The following SLC35F4 variants were observed in gnomAD, a reference collection of about 807,000 sequenced individuals.
The protein encoded by SLC35F4 is chromosome 14 open reading frame 36.
SLC35F4 carries 24 observed loss-of-function variants against 44.2 expected under a neutral mutation model. The ratio of observed to expected loss-of-function variants is 0.54; its 90% CI spans 0.39 to 0.76. The LOEUF (loss-of-function observed/expected upper bound fraction) is 0.76, where lower values mean the gene tolerates loss of function less well. Among genes scored for constraint, SLC35F4 ranks in the 30% least tolerant of loss-of-function variants. The pLI is 0.00. For missense variants in SLC35F4, 562 were observed against 586.1 expected (o/e 0.96, Z 0.42); for synonymous variants, 238 against 223.6 (o/e 1.06, Z -0.57).
At chr14:57,933,492 C>T (rs920034595) in intron 1 of SLC35F4, among the ~76,000 whole-genome samples, 23 of 152,118 alleles carry the variant, frequency 1.5e-4, no homozygotes, top group African/African-American at 5.6e-4. Flanking sequence ...TCAGTGAGGG[C>T]CTCTGCCTCT....
chr14:57,599,731 G>A (rs768268028), intron 1 of SLC35F4, among the ~76,000 whole-genome samples: 2 of 151,390 alleles, frequency 1.3e-5, no homozygotes, highest in Admixed American at 6.6e-5. Context: ...GAACCCCGGA[G>A]GTGGAGGTTG....
intron 1 of SLC35F4, among the ~76,000 whole-genome samples, chr14:57,937,678 A>AGGATAAAAG (rs1889840271): frequency 6.6e-6 from 1 of 152,124 alleles, no homozygotes. Context: ...GATATCACAA[A>AGGATAAAAG]GGATAAAAGA....
intron 1 of SLC35F4, among the ~76,000 whole-genome samples, chr14:57,844,770 C>T (rs1279380377): frequency 6.6e-6 from 1 of 152,164 alleles, no homozygotes; most frequent in Non-Finnish European, 1.5e-5. Context: ...TCGAAGGAGT[C>T]AAGTTGGGAT....
intron 1 of SLC35F4, among the ~76,000 whole-genome samples, chr14:57,934,462 G>A (rs143141939): frequency 6.6e-6 from 1 of 151,646 alleles, no homozygotes; most frequent in Non-Finnish European, 1.5e-5. Context: ...TCAAAAGTCA[G>A]CCCATAGTCA....
intron 1 of SLC35F4, among the ~76,000 whole-genome samples, chr14:57,689,261 T>C (rs905638292): frequency 1.3e-5 from 2 of 152,144 alleles, no homozygotes; most frequent in Non-Finnish European, 2.9e-5. Context: ...CTCGTCTCTG[T>C]CTTACCCCCA....
chr14:57,833,425 G>A (rs371760942), intron 1 of SLC35F4, among the ~76,000 whole-genome samples: 2 of 152,152 alleles, frequency 1.3e-5, no homozygotes, highest in Non-Finnish European at 2.9e-5. Context: ...CCCAGCCATC[G>A]GTATGTTGTA....
At chr14:57,924,443 C>CTCTT (rs201537819) in intron 1 of SLC35F4, among the ~76,000 whole-genome samples, 2 of 151,706 alleles carry the variant, frequency 1.3e-5, no homozygotes, top group Admixed American at 6.6e-5. Flanking sequence ...CTTTACTTTC[C>CTCTT]TCTTTCTTTC....
intron 1 of SLC35F4, among the ~76,000 whole-genome samples, chr14:57,606,895 A>C (rs1192393280): frequency 1.3e-5 from 2 of 152,224 alleles, no homozygotes; most frequent in African/African-American, 4.8e-5. Context: ...CTACTGGCCT[A>C]ATTCTGTGAT....
intron 1 of SLC35F4, among the ~76,000 whole-genome samples, chr14:57,715,190 G>A (rs994486755): frequency 3.9e-5 from 6 of 152,104 alleles, no homozygotes; most frequent in African/African-American, 9.7e-5. Flanking sequence ...AAATGGCAGC[G>A]CAGTTCCAGG....
intron 1 of SLC35F4, among the ~76,000 whole-genome samples, chr14:57,711,050 A>G (rs1180557242): frequency 6.6e-6 from 1 of 151,990 alleles, no homozygotes; most frequent in East Asian, 1.9e-4. Context: ...CTGTGTCCCC[A>G]CCCAAATCTC....
intron 1 of SLC35F4, among the ~76,000 whole-genome samples, chr14:57,795,110 T>C (rs539999339): frequency 6.6e-6 from 1 of 152,308 alleles, no homozygotes; most frequent in South Asian, 2.1e-4. Flanking sequence ...AATGTGTGCT[T>C]ATCACAGATG....
At chr14:57,649,449 C>T (rs1594703130) in intron 1 of SLC35F4, among the ~76,000 whole-genome samples, 1 of 152,158 alleles carries the variant, frequency 6.6e-6, no homozygotes, top group Non-Finnish European at 1.5e-5. Flanking sequence ...CCATCTCTGA[C>T]TCTGACCCTC....
chr14:57,716,816 A>G (rs1215899003), intron 1 of SLC35F4, among the ~76,000 whole-genome samples: 3 of 152,226 alleles, frequency 2.0e-5, no homozygotes, highest in Non-Finnish European at 4.4e-5. Flanking sequence ...ATAGAACACT[A>G]GAACTTATTT....
intron 1 of SLC35F4, among the ~76,000 whole-genome samples, chr14:57,956,992 T>C (rs527502514): frequency 6.6e-6 from 1 of 152,302 alleles, no homozygotes; most frequent in South Asian, 2.1e-4. Flanking sequence ...CATGCACATG[T>C]ATGATTATTG....
At chr14:57,785,463 G>A (rs572493759) in intron 1 of SLC35F4, among the ~76,000 whole-genome samples, 6 of 152,246 alleles carry the variant, frequency 3.9e-5, no homozygotes, top group East Asian at 1.9e-4. Context: ...AGCAGTATGC[G>A]GAGGCTTGTG....
chr14:57,661,083 C>T (rs1404598142), intron 1 of SLC35F4, among the ~76,000 whole-genome samples: 1 of 152,188 alleles, frequency 6.6e-6, no homozygotes, highest in Non-Finnish European at 1.5e-5. Context: ...CAGACCAATC[C>T]TGTGACCATG....
At chr14:57,929,741 C>T (rs1008161979) in intron 1 of SLC35F4, among the ~76,000 whole-genome samples, 8 of 152,042 alleles carry the variant, frequency 5.3e-5, no homozygotes, top group South Asian at 2.1e-4. Context: ...AGAAGAAAGC[C>T]GCATGTTATA....
intron 1 of SLC35F4, among the ~76,000 whole-genome samples, chr14:57,917,029 G>A (rs1889342392): frequency 6.6e-6 from 1 of 151,780 alleles, no homozygotes; most frequent in South Asian, 2.1e-4. Flanking sequence ...TTGTTTGTTT[G>A]TTTGTTTTGG....
chr14:57,869,352 A>T (rs1334511863), upstream of SLC35F4, among the ~76,000 whole-genome samples: 1 of 152,200 alleles, frequency 6.6e-6, no homozygotes, highest in African/African-American at 2.4e-5. Context: ...AAAGATAAGC[A>T]GTCTGAAAAT....
Sources: allele counts gnomAD v4.1 joint callset (sites outside exome capture counted in the v4.1 genomes callset), GRCh38; gene constraint gnomAD v4.1.1; transcripts MANE v1.5; gene names NCBI Gene and HGNC (gene_info 2026-07-23, HGNC 2026-07-21).